GAS2: variants seen among roughly 807,000 people sequenced by gnomAD.
The protein encoded by GAS2 is growth arrest specific 2.
Under a neutral mutation model 37.5 loss-of-function variants are expected in GAS2, and 20 were observed. The ratio of observed to expected loss-of-function variants is 0.53; its 90% CI spans 0.37 to 0.77. GAS2 has a LOEUF of 0.77. Ranked by LOEUF, GAS2 falls within the 30% of genes least tolerant of loss-of-function variation. GAS2 has a pLI of 0.00. For synonymous variants in GAS2, 144 were observed against 132.2 expected (o/e 1.09, Z -0.61); for missense variants, 336 against 373.4 (o/e 0.90, Z 0.82).
chr11:22,699,651 C>A (rs1472092601), intron 3 of GAS2, among the ~76,000 whole-genome samples: 1 of 152,030 alleles, frequency 6.6e-6, no homozygotes, highest in East Asian at 1.9e-4. Context: ...GTCATACTAC[C>A]TGGGTTGAAA....
At chr11:22,744,285 C>T (rs932585214) in intron 5 of GAS2, among the ~76,000 whole-genome samples, 1 of 152,070 alleles carries the variant, frequency 6.6e-6, no homozygotes, top group Non-Finnish European at 1.5e-5. Flanking sequence ...GGACACCTCC[C>T]AAGTTCATTC....
intron 7 of GAS2, among the ~76,000 whole-genome samples, chr11:22,789,422 TG>T (rs1856005566): frequency 2.3e-5 from 1 of 42,854 alleles, no homozygotes; most frequent in African/African-American, 1.2e-4. Context: ...GTATCTCATA[TG>T]AGATATATAT....
chr11:22,683,155 C>T (rs1278619821), intron 2 of GAS2, among the ~76,000 whole-genome samples: 3 of 133,162 alleles, frequency 2.3e-5, no homozygotes, highest in Admixed American at 7.1e-5. Context: ...TAAGACTGCT[C>T]CCAAAAATGG....
chr11:22,789,303 T>TATATATATATATATATACACAC (rs1350750428), intron 7 of GAS2, among the ~76,000 whole-genome samples: 1 of 111,120 alleles, frequency 9.0e-6, no homozygotes, highest in African/African-American at 3.7e-5. Flanking sequence ...TATATATATA[T>TATATATATATATATATACACAC]ACACACACAC....
chr11:22,755,589 C>T (rs1463806253), intron 6 of GAS2: 3 of 310,102 alleles, frequency 9.7e-6, no homozygotes, highest in African/African-American at 2.2e-5. Flanking sequence ...AGTTGGTTTC[C>T]TGCTCATTAT....
At chr11:22,672,355 T>C (rs1299075425) in intron 1 of GAS2, among the ~76,000 whole-genome samples, 2 of 152,184 alleles carry the variant, frequency 1.3e-5, no homozygotes, top group Non-Finnish European at 1.5e-5. Flanking sequence ...GAGAAATAAA[T>C]GTGCCACTGT....
chr11:22,778,929 A>G (rs12290616), intron 7 of GAS2, among the ~76,000 whole-genome samples: 2,739 of 152,232 alleles, frequency 0.018, 75 homozygotes, highest in African/African-American at 0.063. Context: ...ATGAGAAGGA[A>G]TGGAAACAGA....
At chr11:22,701,584 T>A (rs552306328) in intron 3 of GAS2, among the ~76,000 whole-genome samples, 2 of 151,980 alleles carry the variant, frequency 1.3e-5, no homozygotes, top group Non-Finnish European at 2.9e-5. Flanking sequence ...ATCCCAGCAC[T>A]TTGGGAGGCC....
At chr11:22,662,238 A>T (rs1291309999), upstream of GAS2, among the ~76,000 whole-genome samples, 3 of 152,244 alleles carry the variant, frequency 2.0e-5, no homozygotes, top group Non-Finnish European at 4.4e-5. Context: ...AGCCTGGCAC[A>T]CAGGCAAGCA....
chr11:22,717,224 C>T (rs992832491), intron 3 of GAS2, among the ~76,000 whole-genome samples: 1 of 152,118 alleles, frequency 6.6e-6, no homozygotes, highest in African/African-American at 2.4e-5. Flanking sequence ...AATCCGATGG[C>T]ATCACATTAC....
chr11:22,673,049 A>G (rs931418273), intron 1 of GAS2, among the ~76,000 whole-genome samples: 15 of 152,158 alleles, frequency 9.9e-5, no homozygotes, highest in Non-Finnish European at 4.4e-5. Flanking sequence ...TTTTCAGAGA[A>G]AATTTATGGT....
intron 1 of GAS2, among the ~76,000 whole-genome samples, chr11:22,639,812 C>T (rs1186073031): frequency 6.6e-6 from 1 of 152,026 alleles, no homozygotes; most frequent in Non-Finnish European, 1.5e-5. Context: ...TTTTCTGGGT[C>T]CTGAGCATTC....
chr11:22,675,580 C>A (rs1565078320), intron 2 of GAS2, among the ~76,000 whole-genome samples: 1 of 152,156 alleles, frequency 6.6e-6, no homozygotes, highest in Non-Finnish European at 1.5e-5. Flanking sequence ...CATGCTACCT[C>A]CTGGTAAAGA....
intron 4 of GAS2, among the ~76,000 whole-genome samples, chr11:22,733,620 T>C (rs1304774162): frequency 6.6e-6 from 1 of 151,736 alleles, no homozygotes; most frequent in Non-Finnish European, 1.5e-5. Context: ...TCATTTTCTA[T>C]TCCTGGAGCT....
At chr11:22,760,060 C>T (rs1228284194) in intron 7 of GAS2, among the ~76,000 whole-genome samples, 3 of 152,260 alleles carry the variant, frequency 2.0e-5, no homozygotes, top group South Asian at 2.1e-4. Flanking sequence ...CAGGTTCAAG[C>T]GATTCTTGTG....
At chr11:22,692,160 G>A (rs1038855106) in intron 3 of GAS2, among the ~76,000 whole-genome samples, 1 of 152,100 alleles carries the variant, frequency 6.6e-6, no homozygotes, top group Non-Finnish European at 1.5e-5. Flanking sequence ...TTGCAGATGG[G>A]GGTGGGGGAG....
At chr11:22,716,699 G>C (rs1481226234) in intron 3 of GAS2, among the ~76,000 whole-genome samples, 2 of 151,030 alleles carry the variant, frequency 1.3e-5, no homozygotes, top group African/African-American at 4.9e-5. Flanking sequence ...TAAAGAGGAA[G>C]TCAAACTGTT....
intron 7 of GAS2, among the ~76,000 whole-genome samples, chr11:22,794,252 A>G (rs1856321643): frequency 6.6e-6 from 1 of 152,082 alleles, no homozygotes; most frequent in African/African-American, 2.4e-5. Context: ...TACATTGTTA[A>G]TAAAATGGTG....
intron 7 of GAS2, among the ~76,000 whole-genome samples, chr11:22,795,884 C>A (rs376060989): frequency 3.3e-4 from 50 of 152,152 alleles, no homozygotes; most frequent in African/African-American, 1.1e-3. Flanking sequence ...TGGGTGAGAT[C>A]AAAAAATTTT....
Sources: gnomAD v4.1 joint callset for allele counts (sites outside exome capture counted in the v4.1 genomes callset) on GRCh38, gnomAD v4.1.1 for gene constraint, MANE v1.5 for transcripts, NCBI Gene and HGNC (gene_info 2026-07-23, HGNC 2026-07-21) for gene names.